Variants in SEL1L2 observed in about 807,000 individuals in gnomAD.
SEL1L2 encodes the protein SEL1L2 adaptor subunit of SYVN1 ubiquitin ligase, also known as protein sel-1 homolog 2.
In SEL1L2, 89 loss-of-function variants were observed where a neutral mutation model predicts 98.8. That is an observed-to-expected ratio of 0.90 (90% CI 0.76 to 1.07). The LOEUF (loss-of-function observed/expected upper bound fraction) is 1.07, where lower values mean the gene tolerates loss of function less well. Ranked by LOEUF, SEL1L2 falls within the 50% of genes least tolerant of loss-of-function variation. SEL1L2 has a pLI of 0.00. For synonymous variants in SEL1L2, 262 were observed against 278.5 expected (o/e 0.94, Z 0.59); for missense variants, 788 against 812.0 (o/e 0.97, Z 0.36).
At chr20:13,947,058 G>T (rs540864237) in intron 2 of SEL1L2, among the ~76,000 whole-genome samples, 1 of 152,278 alleles carries the variant, frequency 6.6e-6, no homozygotes, top group Admixed American at 6.5e-5. Context: ...CAGGCTCCTG[G>T]GTGGAAAGGG....
chr20:13,986,287 G>A (rs945230420), intron 1 of SEL1L2, among the ~76,000 whole-genome samples: 4 of 152,136 alleles, frequency 2.6e-5, no homozygotes, highest in Non-Finnish European at 5.9e-5. Flanking sequence ...TTTAAAGTGT[G>A]CAATTAAGTG....
At chr20:13,963,388 C>G (rs2050871088) in intron 1 of SEL1L2, among the ~76,000 whole-genome samples, 1 of 62,722 alleles carries the variant, frequency 1.6e-5, no homozygotes, top group Non-Finnish European at 2.7e-5. Flanking sequence ...CAATCTGGAG[C>G]AGCAAAAAAA....
intron 3 of SEL1L2, 37 bp downstream of exon 3, chr20:13,931,566 C>A (rs943228170): frequency 1.4e-5 from 17 of 1,183,762 alleles, no homozygotes; most frequent in South Asian, 3.9e-5. Context: ...TGCATGTAGT[C>A]ATTTTAAATT....
intron 2 of SEL1L2, among the ~76,000 whole-genome samples, chr20:13,941,657 T>C (rs2049781001): frequency 6.6e-6 from 1 of 152,198 alleles, no homozygotes; most frequent in Admixed American, 6.5e-5. Flanking sequence ...TGGGGACAGA[T>C]GAGATTTTTG....
chr20:13,923,694 C>G (rs1384485699), intron 3 of SEL1L2, among the ~76,000 whole-genome samples: 1 of 152,154 alleles, frequency 6.6e-6, no homozygotes, highest in Non-Finnish European at 1.5e-5. Flanking sequence ...GTGGAGTTTG[C>G]AGTGGGCCGA....
intron 2 of SEL1L2, among the ~76,000 whole-genome samples, chr20:13,948,836 T>A (rs72488675): frequency 0.15 from 22,971 of 152,084 alleles, 1,931 homozygotes; most frequent in Admixed American, 0.22. Context: ...TGAGGATCAG[T>A]CTCAAATCCG....
chr20:13,868,118 T>C (rs1231593263), intron 14 of SEL1L2, among the ~76,000 whole-genome samples: 3 of 151,994 alleles, frequency 2.0e-5, no homozygotes, highest in Admixed American at 6.6e-5. Context: ...CACTCTACCT[T>C]TGCTCACAGA....
intron 5 of SEL1L2, among the ~76,000 whole-genome samples, chr20:13,894,223 C>T (rs925820123): frequency 6.6e-6 from 1 of 152,028 alleles, no homozygotes; most frequent in Non-Finnish European, 1.5e-5. Context: ...AAAGCCAATA[C>T]CAAGAAGTCA....
At chr20:13,865,078 T>G (rs1314885505) in intron 17 of SEL1L2, 89 bp downstream of exon 17, 6 of 957,592 alleles carry the variant, frequency 6.3e-6, no homozygotes, top group Non-Finnish European at 8.2e-6. Flanking sequence ...CTTTGCTGCC[T>G]ATGTGCACAA....
rs56953932 is a variant in SEL1L2, at chr20:13,980,981, G to A, written c.58+9496C>T. 1.5e-3 allele frequency among the ~76,000 whole-genome samples: 235 copies of A among 152,248 alleles called. 1 individual carries two copies. The highest frequency in any genetic ancestry group is 5.3e-3 in the African/African-American group (220 of 41,574). ...GTAGAGGCTGGGCCCGGTGGCTTAC[G>A]CCTGTAATCCCAGCACTTTGAGAGG... On this transcript the variant is annotated intron_variant, in intron 1 of 19. Coordinates refer to ENST00000284951, the MANE Select transcript of SEL1L2 (RefSeq NM_025229.2).
At chr20:13,889,520 G>A (rs142185285) in intron 5 of SEL1L2, among the ~76,000 whole-genome samples, 2,350 of 152,048 alleles carry the variant, frequency 0.015, 51 homozygotes, top group African/African-American at 0.053. Flanking sequence ...GGCTGGGTGC[G>A]GTGGCTCACA....
At chr20:13,914,766 C>G (rs1346913669) in intron 4 of SEL1L2, among the ~76,000 whole-genome samples, 3 of 152,108 alleles carry the variant, frequency 2.0e-5, no homozygotes, top group South Asian at 4.2e-4. Flanking sequence ...TGCATTGATT[C>G]TAAAGTTTTA....
At chr20:13,951,308 G>GAAAT (rs368161101) in intron 2 of SEL1L2, among the ~76,000 whole-genome samples, 101,487 of 115,528 alleles carry the variant, frequency 0.88, 44,734 homozygotes, top group East Asian at 0.98. Flanking sequence ...AAGAAAGAAA[G>GAAAT]AAAGAAAATA....
At chr20:13,920,097 G>A (rs1306551027) in intron 3 of SEL1L2, among the ~76,000 whole-genome samples, 6 of 151,562 alleles carry the variant, frequency 4.0e-5, no homozygotes, top group Non-Finnish European at 7.4e-5. Context: ...GGGCAGTGGC[G>A]TGCAGATGTA....
At chr20:13,906,725 C>A (rs1424143684) in intron 5 of SEL1L2, among the ~76,000 whole-genome samples, 1 of 152,216 alleles carries the variant, frequency 6.6e-6, no homozygotes, top group African/African-American at 2.4e-5. Flanking sequence ...GTCACCCAGG[C>A]TGGAGTGCAG....
intron 2 of SEL1L2, among the ~76,000 whole-genome samples, chr20:13,950,564 A>G (rs1450000496): frequency 6.6e-6 from 1 of 152,168 alleles, no homozygotes; most frequent in Non-Finnish European, 1.5e-5. Context: ...GCCATCAGAG[A>G]CTTGGATACC....
At chr20:13,886,575 A>T in intron 8 of SEL1L2, 133 bp from the exon 9 acceptor site, 1 of 794,614 alleles carries the variant, frequency 1.3e-6, no homozygotes, top group South Asian at 2.0e-5. Context: ...GAGACAGAAG[A>T]TCCATGAAAA....
intron 12 of SEL1L2, among the ~76,000 whole-genome samples, chr20:13,872,373 G>A (rs2046242414): frequency 1.3e-5 from 2 of 152,152 alleles, no homozygotes; most frequent in African/African-American, 4.8e-5. Context: ...TAGTGAGTGA[G>A]TTCTCATGCG....
chr20:13,987,510 TA>T (rs537841418), intron 1 of SEL1L2, among the ~76,000 whole-genome samples: 23 of 151,868 alleles, frequency 1.5e-4, no homozygotes, highest in Non-Finnish European at 3.4e-4. Context: ...TATACCCAGC[TA>T]ATTTTTGTAT....
Sources: allele counts gnomAD v4.1 joint callset (sites outside exome capture counted in the v4.1 genomes callset), GRCh38; gene constraint gnomAD v4.1.1; transcripts MANE v1.5; gene names NCBI Gene and HGNC (gene_info 2026-07-23, HGNC 2026-07-21).